ZDHHC20: variants seen among roughly 807,000 people sequenced by gnomAD.
ZDHHC20 encodes zDHHC palmitoyltransferase 20, also known as palmitoyltransferase ZDHHC20.
In ZDHHC20, 43 loss-of-function variants were observed where a neutral mutation model predicts 57.8. The ratio of observed to expected loss-of-function variants is 0.74; its 90% CI spans 0.58 to 0.96. The LOEUF (loss-of-function observed/expected upper bound fraction) is 0.96, where lower values mean the gene tolerates loss of function less well. ZDHHC20 is among the 40% of genes least tolerant of loss of function. ZDHHC20 has a pLI of 0.00. For missense variants in ZDHHC20, 391 were observed against 441.1 expected (o/e 0.89, Z 1.02); for synonymous variants, 157 against 153.0 (o/e 1.03, Z -0.19).
chr13:21,437,370 G>A (rs1030165511), intron 1 of ZDHHC20, among the ~76,000 whole-genome samples: 4 of 152,144 alleles, frequency 2.6e-5, no homozygotes, highest in African/African-American at 9.7e-5. Context: ...GTGAAATTTG[G>A]GTGGGGACAC....
chr13:21,432,331 A>ATTT (rs71093309), intron 1 of ZDHHC20, among the ~76,000 whole-genome samples: 1 of 133,200 alleles, frequency 7.5e-6, no homozygotes, highest in Non-Finnish European at 1.6e-5. Flanking sequence ...TGTCCCACTA[A>ATTT]TTTTTTTTTT....
chr13:21,431,998 C>T (rs1266914352), intron 1 of ZDHHC20, among the ~76,000 whole-genome samples: 3 of 151,928 alleles, frequency 2.0e-5, no homozygotes, highest in Non-Finnish European at 4.4e-5. Flanking sequence ...ATCATTCATG[C>T]CTGGGAAATC....
At chr13:21,436,752 A>G (rs556014023) in intron 1 of ZDHHC20, among the ~76,000 whole-genome samples, 1 of 152,208 alleles carries the variant, frequency 6.6e-6, no homozygotes, top group African/African-American at 2.4e-5. Context: ...TGAAAGGAAG[A>G]GTCACACACC....
chr13:21,417,683 C>T (rs1343678156), intron 3 of ZDHHC20, among the ~76,000 whole-genome samples: 1 of 152,134 alleles, frequency 6.6e-6, no homozygotes, highest in Non-Finnish European at 1.5e-5. Context: ...AGGTGATCCA[C>T]CTGCCTCGGC....
Position 21,435,752 on chromosome 13 carries a change from G to GT in ZDHHC20, c.119-10075dup, listed in dbSNP as rs372995779. On this transcript the variant is annotated intron_variant, in intron 1 of 12. Transcript: ENST00000400590. ...GAATTCTCAATAGATGCTAAAAGGA[G>GT]TAAGTGAAAGTAATAACAAACAGAT... Among the ~76,000 whole-genome samples the GT allele has an allele frequency of 7.2e-5, 11 of 152,284 alleles. No individual in the cohort carries two copies. The East Asian group carries it at 2.1e-3, about 29-fold the overall frequency.
At position 21,391,864 on chromosome 13, in the gene ZDHHC20, A is replaced by T; in HGVS notation, c.595-10T>A. On this transcript the variant is annotated splice_polypyrimidine_tract_variant and intron_variant, in intron 7 of 12. Coordinates refer to ENST00000400590, the MANE Select transcript of ZDHHC20 (RefSeq NM_001330059.2). ...TATCTGTCAGTTCATTCTGAGGAAA[A>T]AAAGAAGTTAATTTTGAGGTCAACC... 1 of 1,605,044 alleles carries T rather than the reference A, an allele frequency of 6.2e-7. No homozygotes were observed. The highest frequency in any genetic ancestry group is 8.5e-7 in the Non-Finnish European group (1 of 1,176,484).
In ZDHHC20 at chr13:21,376,563, T is replaced by C; in HGVS notation, c.*133A>G. ...TACAAAGGCTTTCCGTTTTAAAAAA[T>C]ATATCTTCTGTTATACTTCAGTTAT... On this transcript the variant is annotated 3_prime_UTR_variant, in exon 13 of 13. Transcript: ENST00000400590. 2 of 1,093,500 alleles carry C rather than the reference T, an allele frequency of 1.8e-6. No homozygotes were observed. Among genetic ancestry groups the C allele is most frequent in the South Asian group, 1.8e-5 (1 of 54,912 alleles). The allele number at this position is 1,093,500 out of a possible 1,614,324, so 67.7% of individuals were successfully genotyped here.
chr13:21,443,619 C>T (rs1215639445), intron 1 of ZDHHC20, among the ~76,000 whole-genome samples: 1 of 152,172 alleles, frequency 6.6e-6, no homozygotes, highest in African/African-American at 2.4e-5. Flanking sequence ...GGAACTAAGT[C>T]AACTTCTCAA....
chr13:21,390,381 T>G (rs924559722), intron 8 of ZDHHC20: 1 of 152,216 alleles, frequency 6.6e-6, no homozygotes, highest in Admixed American at 6.5e-5. Flanking sequence ...TAGGGAATGT[T>G]TGTCCAATTA....
intron 3 of ZDHHC20, among the ~76,000 whole-genome samples, chr13:21,416,822 A>G (rs566391839): frequency 6.6e-6 from 1 of 152,370 alleles, no homozygotes; most frequent in East Asian, 1.9e-4. Context: ...ACACTGCTTG[A>G]GTATAGAGTT....
At chr13:21,381,630 G>A in intron 10 of ZDHHC20, 81 bp from the exon 11 acceptor site, 1 of 929,968 alleles carries the variant, frequency 1.1e-6, no homozygotes, top group East Asian at 2.6e-5. Flanking sequence ...CAGCAAATTA[G>A]TATTCCTTCT....
intron 4 of ZDHHC20, among the ~76,000 whole-genome samples, chr13:21,403,936 C>T (rs979994111): frequency 2.0e-5 from 3 of 152,146 alleles, no homozygotes; most frequent in Non-Finnish European, 4.4e-5. Context: ...GAGTCACCCA[C>T]CTCGGCCTCC....
chr13:21,442,187 A>T (rs1883245736), intron 1 of ZDHHC20, among the ~76,000 whole-genome samples: 1 of 152,106 alleles, frequency 6.6e-6, no homozygotes, highest in African/African-American at 2.4e-5. Context: ...TAAGATGGTG[A>T]ATTATAATAA....
At chr13:21,419,963 T>C (rs1378738232) in intron 3 of ZDHHC20, among the ~76,000 whole-genome samples, 1 of 152,092 alleles carries the variant, frequency 6.6e-6, no homozygotes, top group Non-Finnish European at 1.5e-5. Context: ...AATATTTGAG[T>C]CCTAACAATG....
chr13:21,393,673 C>T lies in ZDHHC20; in HGVS notation c.595-1819G>A, dbSNP rs144763216. 6.7e-3 allele frequency among the ~76,000 whole-genome samples: 959 copies of T among 142,124 alleles called. 14 individuals are homozygous for T. The highest frequency in any genetic ancestry group is 0.024 in the African/African-American group (887 of 36,842). 93.2% of individuals were successfully genotyped at this position (142,124 alleles called of 152,430 possible). A position where few individuals can be genotyped will look rare whatever the true frequency, so the allele number is the denominator to read the frequency against. ...GAGCCGAGATCGCACTGCTGCACTCCAGCCTGGGCGACACAGCAAGTCTCA... is the reference window on the plus strand; with the variant it reads ...GAGCCGAGATCGCACTGCTGCACTCTAGCCTGGGCGACACAGCAAGTCTCA... On this transcript the variant is annotated intron_variant, in intron 7 of 12. Transcript: ENST00000400590.
At chr13:21,398,458 C>T (rs1337573903) in intron 7 of ZDHHC20, among the ~76,000 whole-genome samples, 14 of 146,302 alleles carry the variant, frequency 9.6e-5, no homozygotes, top group African/African-American at 2.6e-4. Context: ...AGCGAGACTC[C>T]GTCTCAAAAA....
chr13:21,409,289 T>A (rs1878881624), intron 4 of ZDHHC20, among the ~76,000 whole-genome samples: 1 of 152,192 alleles, frequency 6.6e-6, no homozygotes, highest in Non-Finnish European at 1.5e-5. Flanking sequence ...TTTCAGAACT[T>A]GTTATTGGTC....
At chr13:21,405,442 T>A (rs1033959357) in intron 4 of ZDHHC20, among the ~76,000 whole-genome samples, 8 of 152,174 alleles carry the variant, frequency 5.3e-5, no homozygotes, top group African/African-American at 1.9e-4. Flanking sequence ...TAATCCCACA[T>A]CACATAAGAA....
chr13:21,387,397 G>C (rs1419915858), intron 9 of ZDHHC20, 111 bp downstream of exon 9: 1 of 850,436 alleles, frequency 1.2e-6, no homozygotes, highest in Admixed American at 4.3e-5. Context: ...CATTCTCAAA[G>C]TCTGTGAGAA....
Sources: gnomAD v4.1 joint callset for allele counts (sites outside exome capture counted in the v4.1 genomes callset) on GRCh38, gnomAD v4.1.1 for gene constraint, MANE v1.5 for transcripts, NCBI Gene and HGNC (gene_info 2026-07-23, HGNC 2026-07-21) for gene names.